The following TBC1D5 variants were observed in gnomAD, a reference collection of about 807,000 sequenced individuals.
The protein encoded by TBC1D5 is TBC1 domain family, member 5.
A neutral mutation model predicts 100.3 loss-of-function variants in TBC1D5; 75 were observed. The ratio of observed to expected loss-of-function variants is 0.75; its 90% confidence interval spans 0.62 to 0.91. The LOEUF is 0.91. TBC1D5 is among the 40% of genes least tolerant of loss of function. TBC1D5 has a pLI of 0.00. For synonymous variants in TBC1D5, 323 were observed against 325.6 expected, an observed-to-expected ratio of 0.99 and a Z score of 0.09; for missense variants, 910 against 942.4, an observed-to-expected ratio of 0.97 and a Z score of 0.45.
chr3:17,328,723 C>T (rs2086503189), intron 13 of TBC1D5, among the ~76,000 whole-genome samples: 2 of 152,200 alleles, frequency 1.3e-5, no homozygotes, highest in Admixed American at 1.3e-4. Context: ...GTTATACTCA[C>T]AAAGCTTCCT....
chr3:17,685,178 T>C (rs115052992), intron 1 of TBC1D5, among the ~76,000 whole-genome samples: 2,507 of 151,634 alleles, frequency 0.017, 52 homozygotes, highest in South Asian at 0.047. Flanking sequence ...TAAAAAAAGC[T>C]GAAATTTTAT....
chr3:17,250,986 A>T (rs925818498), intron 16 of TBC1D5, among the ~76,000 whole-genome samples: 4 of 152,242 alleles, frequency 2.6e-5, no homozygotes, highest in African/African-American at 9.6e-5. Context: ...AGCAACAAAA[A>T]GTTTCAGCTT....
chr3:17,655,030 G>A lies in TBC1D5; in HGVS notation c.-100-31117C>T, dbSNP rs1475680284. ...TATCCCCTTTATCATTTTTTATTGC[G>A]TCTATTTGATTCTTCTCTCTTTTCT... On this transcript the variant is annotated intron_variant, in intron 1 of 21. Transcript: ENST00000253692. 1.0e-3 allele frequency among the ~76,000 whole-genome samples: 153 copies of A among 150,034 alleles called. 1 individual carries two copies. Among genetic ancestry groups the A allele is most frequent in the African/African-American group, 3.4e-3 (141 of 41,012 alleles).
intron 3 of TBC1D5, among the ~76,000 whole-genome samples, chr3:17,458,671 G>T (rs1371535390): frequency 6.6e-6 from 1 of 152,130 alleles, no homozygotes; most frequent in Non-Finnish European, 1.5e-5. Flanking sequence ...CTGTCCATGG[G>T]TCTGAAATTT....
At chr3:17,381,143 A>AT (rs2092928489) in intron 9 of TBC1D5, among the ~76,000 whole-genome samples, 1 of 152,062 alleles carries the variant, frequency 6.6e-6, no homozygotes, top group Non-Finnish European at 1.5e-5. Flanking sequence ...TAATTGATAG[A>AT]TTTTTGTCTA....
At chr3:17,202,118 G>C (rs2071535163) in intron 18 of TBC1D5, among the ~76,000 whole-genome samples, 2 of 152,216 alleles carry the variant, frequency 1.3e-5, no homozygotes, top group Admixed American at 1.3e-4. Context: ...ATGAAGTCCA[G>C]GCTGAGATAG....
intron 2 of TBC1D5, among the ~76,000 whole-genome samples, chr3:17,515,288 A>G (rs1208296942): frequency 6.6e-6 from 1 of 152,166 alleles, no homozygotes; most frequent in Non-Finnish European, 1.5e-5. Flanking sequence ...TCCTTCTAAA[A>G]GTCCATATGA....
intron 1 of TBC1D5, among the ~76,000 whole-genome samples, chr3:17,734,753 C>G (rs1014107721): frequency 5.9e-5 from 9 of 152,122 alleles, no homozygotes; most frequent in Non-Finnish European, 1.0e-4. Context: ...CTGGCATAAT[C>G]TTTTTGGTAG....
chr3:17,556,315 G>GC (rs2096520267), intron 2 of TBC1D5, among the ~76,000 whole-genome samples: 1 of 152,174 alleles, frequency 6.6e-6, no homozygotes, highest in Admixed American at 6.5e-5. Flanking sequence ...ACCGTGCTTA[G>GC]CCTAGTTTGT....
intron 16 of TBC1D5, among the ~76,000 whole-genome samples, chr3:17,244,929 T>C (rs1178888495): frequency 6.8e-6 from 1 of 146,018 alleles, no homozygotes; most frequent in African/African-American, 2.6e-5. Flanking sequence ...CTCAGTCCTG[T>C]AATCCCAGTA....
chr3:17,589,771 A>G (rs1260826053), intron 2 of TBC1D5, among the ~76,000 whole-genome samples: 1 of 152,106 alleles, frequency 6.6e-6, no homozygotes, highest in Non-Finnish European at 1.5e-5. Context: ...TCAGGTTTAG[A>G]ATGTTGTCCA....
chr3:17,614,403 G>C (rs574752642), intron 2 of TBC1D5, among the ~76,000 whole-genome samples: 1 of 152,284 alleles, frequency 6.6e-6, no homozygotes, highest in African/African-American at 2.4e-5. Flanking sequence ...CTTTAAAGTA[G>C]TTTCTGCGAA....
rs371431097 is a variant in TBC1D5, at chr3:17,238,144, T to C, written c.1588+19A>G. ...ACACCATGAATGTTTTCTTTAGATTTACTAGTATTTTTTCCTACCTTTGTT... is the reference window on the plus strand; with the variant it reads ...ACACCATGAATGTTTTCTTTAGATTCACTAGTATTTTTTCCTACCTTTGTT... On this transcript the variant is annotated intron_variant, in intron 17 of 21. Transcript: ENST00000253692. 1.9e-4 allele frequency: 313 copies of C among 1,606,868 alleles called. 3 individuals carry two copies. In the South Asian group the frequency reaches 3.3e-3, roughly 17 times the overall value.
chr3:17,402,474 TATTA>T (rs1354460796), intron 8 of TBC1D5, among the ~76,000 whole-genome samples: 1 of 152,140 alleles, frequency 6.6e-6, no homozygotes, highest in Non-Finnish European at 1.5e-5. Context: ...TTCTGACAGA[TATTA>T]ATTAATCCTC....
intron 3 of TBC1D5, among the ~76,000 whole-genome samples, chr3:17,487,599 A>G (rs2095586606): frequency 1.3e-5 from 2 of 152,202 alleles, no homozygotes; most frequent in African/African-American, 4.8e-5. Context: ...TTTGAGCTAC[A>G]TTAATTAAGA....
At chr3:17,452,186 A>T (rs1411468721) in intron 3 of TBC1D5, among the ~76,000 whole-genome samples, 2 of 152,236 alleles carry the variant, frequency 1.3e-5, no homozygotes, top group Non-Finnish European at 2.9e-5. Context: ...ATAAAAAGCA[A>T]GAACTGAAAT....
chr3:17,274,083 T>C (rs2079725145), intron 15 of TBC1D5, among the ~76,000 whole-genome samples: 1 of 151,864 alleles, frequency 6.6e-6, no homozygotes, highest in African/African-American at 2.4e-5. Context: ...TCATATTACC[T>C]TTATTCCACT....
At chr3:17,470,582 T>C (rs1482322282) in intron 3 of TBC1D5, among the ~76,000 whole-genome samples, 1 of 152,162 alleles carries the variant, frequency 6.6e-6, no homozygotes, top group Non-Finnish European at 1.5e-5. Context: ...TATGTATTAA[T>C]GGCACAAGGG....
intron 1 of TBC1D5, among the ~76,000 whole-genome samples, chr3:17,658,321 G>A (rs1305586213): frequency 1.3e-5 from 2 of 152,148 alleles, no homozygotes; most frequent in African/African-American, 4.8e-5. Context: ...CATGCTAAAA[G>A]TATAAAGATT....
Sources: allele counts gnomAD v4.1 joint callset (sites outside exome capture counted in the v4.1 genomes callset), GRCh38; gene constraint gnomAD v4.1.1; transcripts MANE v1.5; gene names NCBI Gene and HGNC (gene_info 2026-07-23, HGNC 2026-07-21).